Variants in EPHA3 observed in about 807,000 individuals in gnomAD.
EPHA3 encodes EPH receptor A3.
In EPHA3, 42 loss-of-function variants were observed where a neutral mutation model predicts 107.1. That is an observed-to-expected ratio of 0.39 (90% CI 0.31 to 0.51). The LOEUF (loss-of-function observed/expected upper bound fraction) is 0.51. Ranked by LOEUF, EPHA3 falls within the 20% of genes least tolerant of loss-of-function variation. The pLI, the probability that EPHA3 is intolerant of heterozygous loss-of-function variation, is 0.78. For missense variants in EPHA3, 1,183 were observed against 1,211.2 expected (o/e 0.98, Z 0.35); for synonymous variants, 461 against 424.8 (o/e 1.09, Z -1.05).
intron 2 of EPHA3, among the ~76,000 whole-genome samples, chr3:89,191,166 A>C (rs1161781016): frequency 6.6e-6 from 1 of 152,156 alleles, no homozygotes; most frequent in East Asian, 1.9e-4. Context: ...GGATGAATAC[A>C]TTTGAGCCAC....
At chr3:89,201,448 A>T (rs1705967092) in intron 2 of EPHA3, among the ~76,000 whole-genome samples, 1 of 152,212 alleles carries the variant, frequency 6.6e-6, no homozygotes, top group African/African-American at 2.4e-5. Context: ...TACAATAATC[A>T]TACAAATACA....
intron 5 of EPHA3, among the ~76,000 whole-genome samples, chr3:89,362,376 G>A (rs1343984180): frequency 6.6e-6 from 1 of 151,106 alleles, no homozygotes; most frequent in Non-Finnish European, 1.5e-5. Flanking sequence ...CTGCTGCCTA[G>A]AAGTGAGCTT....
intron 3 of EPHA3, among the ~76,000 whole-genome samples, chr3:89,265,894 T>A (rs1277907806): frequency 1.3e-5 from 2 of 152,120 alleles, no homozygotes; most frequent in African/African-American, 2.4e-5. Flanking sequence ...TAGGAAAAAA[T>A]TTCTGTAAGA....
At chr3:89,451,897 GTGTGTGTGTT>G (rs1486320670) in intron 15 of EPHA3, among the ~76,000 whole-genome samples, 4 of 151,734 alleles carry the variant, frequency 2.6e-5, no homozygotes, top group Non-Finnish European at 4.4e-5. Context: ...GTGTGTGTGT[GTGTGTGTGTT>G]TGTGTGTGTG....
chr3:89,476,661 G>A (rs1202231126), intron 16 of EPHA3, among the ~76,000 whole-genome samples: 3 of 150,542 alleles, frequency 2.0e-5, no homozygotes, highest in Non-Finnish European at 4.4e-5. Context: ...AGGCTGGAGT[G>A]CAGTGGCGCG....
chr3:89,367,959 T>A (rs1354093419), intron 5 of EPHA3, among the ~76,000 whole-genome samples: 1 of 150,700 alleles, frequency 6.6e-6, no homozygotes, highest in East Asian at 1.9e-4. Context: ...ATGCATTTAA[T>A]CTTTCTTACT....
intron 15 of EPHA3, among the ~76,000 whole-genome samples, chr3:89,456,095 G>GA (rs973064357): frequency 6.6e-6 from 1 of 152,102 alleles, no homozygotes; most frequent in African/African-American, 2.4e-5. Flanking sequence ...GCAATTTATA[G>GA]AAAAAATTCC....
In EPHA3 at chr3:89,210,090, T is replaced by G. The variant is rs1706233654; in HGVS notation, c.384T>G (p.Asp128Glu). The change falls in exon 3 of 17, where the codon GAT (aspartate) becomes GAG (glutamate). Residue 128 changes from aspartate (D) to glutamate (E), a missense_variant. Asp to Glu is a conservative substitution (Grantham distance 45). Coordinates refer to ENST00000336596, the MANE Select transcript of EPHA3 (RefSeq NM_005233.6). ...ETFNLYYMES[D>E]DDHGVKFREH... ...TCAACCTGTACTACATGGAGTCTGA[T>G]GATGATCATGGGGTGAAATTTCGAG... 1 of 1,613,950 alleles carries G rather than the reference T, an allele frequency of 6.2e-7. No individual in the cohort carries two copies. Among genetic ancestry groups the G allele is most frequent in the Non-Finnish European group, 8.5e-7 (1 of 1,179,962 alleles).
chr3:89,479,250 G>A, intron 16 of EPHA3, 147 bp from the exon 17 acceptor site: 4 of 662,468 alleles, frequency 6.0e-6, no homozygotes, highest in Non-Finnish European at 1.1e-5. Context: ...TGGTGGAACG[G>A]TCCGGACATA....
chr3:89,119,698 T>G (rs1222248450), intron 1 of EPHA3, among the ~76,000 whole-genome samples: 1 of 152,110 alleles, frequency 6.6e-6, no homozygotes, highest in Admixed American at 6.5e-5. Context: ...TTCCAGAAAT[T>G]TGTTTAATAA....
At chr3:89,443,496 G>A (rs867183910) in intron 13 of EPHA3, among the ~76,000 whole-genome samples, 1 of 152,076 alleles carries the variant, frequency 6.6e-6, no homozygotes. Context: ...GTTTATATTG[G>A]CTCATTCACA....
chr3:89,197,455 A>AC (rs1705864421), intron 2 of EPHA3, among the ~76,000 whole-genome samples: 1 of 151,548 alleles, frequency 6.6e-6, no homozygotes, highest in African/African-American at 2.4e-5. Context: ...AACATAAAAA[A>AC]ACTTATTTTT....
intron 1 of EPHA3, among the ~76,000 whole-genome samples, chr3:89,119,631 A>G (rs1376751013): frequency 1.3e-5 from 2 of 152,142 alleles, no homozygotes; most frequent in Non-Finnish European, 2.9e-5. Context: ...GAGATTTTAG[A>G]CAATCCAGAT....
intron 2 of EPHA3, among the ~76,000 whole-genome samples, chr3:89,153,205 T>C (rs998734548): frequency 2.6e-5 from 4 of 152,088 alleles, no homozygotes; most frequent in African/African-American, 9.7e-5. Flanking sequence ...TTCAGCTTCA[T>C]CTTGAAGCAG....
At chr3:89,403,607 C>T (rs1709004703) in intron 7 of EPHA3, among the ~76,000 whole-genome samples, 1 of 152,088 alleles carries the variant, frequency 6.6e-6, no homozygotes, top group Admixed American at 6.5e-5. Context: ...GACATTAGGG[C>T]ATGTTTGGAA....
chr3:89,187,453 T>A lies in EPHA3; in HGVS notation c.154-22407T>A, dbSNP rs541655281. On this transcript the variant is annotated intron_variant, in intron 2 of 16. Coordinates refer to ENST00000336596, the MANE Select transcript of EPHA3 (RefSeq NM_005233.6). ...ATACATGTATTATGTAATTAATTTA[T>A]CTTATTTAATGTGTATTAATAAATA... Among the ~76,000 whole-genome samples, 6 of 150,702 alleles carry A rather than the reference T, an allele frequency of 4.0e-5. No homozygotes were observed. The South Asian group carries it at 1.2e-3, about 31-fold the overall frequency.
intron 5 of EPHA3, among the ~76,000 whole-genome samples, chr3:89,395,497 G>T (rs1576356250): frequency 6.6e-6 from 1 of 152,098 alleles, no homozygotes; most frequent in East Asian, 1.9e-4. Context: ...CTGATGTTTT[G>T]TTCTTTTTTT....
chr3:89,219,691 T>G (rs1337766328), intron 3 of EPHA3, among the ~76,000 whole-genome samples: 5 of 5,516 alleles, frequency 9.1e-4, no homozygotes, highest in African/African-American at 4.5e-3. Context: ...TGGCAATGTT[T>G]TTTTTTTTTT....
chr3:89,363,977 A>G (rs1454493826), intron 5 of EPHA3, among the ~76,000 whole-genome samples: 2 of 150,748 alleles, frequency 1.3e-5, no homozygotes, highest in Non-Finnish European at 3.0e-5. Context: ...ACTTATCAAT[A>G]GCAATGTAAA....
Sources: allele counts gnomAD v4.1 joint callset (sites outside exome capture counted in the v4.1 genomes callset), GRCh38; gene constraint gnomAD v4.1.1; transcripts MANE v1.5; gene names NCBI Gene and HGNC (gene_info 2026-07-23, HGNC 2026-07-21).